Variants in NBPF19 observed in about 807,000 individuals in gnomAD.
The protein encoded by NBPF19 is NBPF family member NBPF19.
Under a neutral mutation model 45.9 loss-of-function variants are expected in NBPF19, and 30 were observed. The ratio of observed to expected loss-of-function variants is 0.65; its 90% CI spans 0.49 to 0.89. The LOEUF (loss-of-function observed/expected upper bound fraction) is 0.89. NBPF19 is among the 40% of genes least tolerant of loss of function. The pLI, the probability that NBPF19 is intolerant of heterozygous loss-of-function variation, is 0.00. For synonymous variants in NBPF19, 183 were observed against 181.2 expected, an observed-to-expected ratio of 1.01 and a Z score of -0.08; for missense variants, 495 against 471.8, an observed-to-expected ratio of 1.05 and a Z score of -0.46.
At position 149,487,261 on chromosome 1, in the gene NBPF19, T is replaced by C. The variant is rs2085588116; in HGVS notation, c.989-71T>C. On this transcript the variant is annotated intron_variant, in intron 8 of 93. Coordinates refer to ENST00000651566, the MANE Select transcript of NBPF19 (RefSeq NM_001351365.2). ...CAAGACTGATGTCCCTGTGTTAGGATTGGACAGAGGAATGTTTCTGTGTGC... is the reference window on the plus strand; with the variant it reads ...CAAGACTGATGTCCCTGTGTTAGGACTGGACAGAGGAATGTTTCTGTGTGC... 2.2e-5 allele frequency: 25 copies of C among 1,122,068 alleles called. No individual in the cohort carries two copies. In the Middle Eastern group the frequency reaches 7.4e-4, roughly 33 times the overall value. The allele number at this position is 1,122,068 out of a possible 1,614,324, so 69.5% of individuals were successfully genotyped here.
In NBPF19 at chr1:149,487,668, A is replaced by C. The variant is rs1335806123; in HGVS notation, c.1040+285A>C. ...CACATTTTATGCAAAATTATTGAGGACATGCTTTTCATGATCACTGTTCAC... is the reference window on the plus strand; with the variant it reads ...CACATTTTATGCAAAATTATTGAGGCCATGCTTTTCATGATCACTGTTCAC... On this transcript the variant is annotated intron_variant, in intron 9 of 93. Transcript: ENST00000651566. Among the ~76,000 whole-genome samples, 479 of 150,232 alleles carry C rather than the reference A, an allele frequency of 3.2e-3. 12 individuals are homozygous for C. Among genetic ancestry groups the C allele is most frequent in the Non-Finnish European group, 5.0e-3 (334 of 67,238 alleles).
At position 149,475,328 on chromosome 1, in the gene NBPF19, TG is replaced by T. The variant is rs1317287725; in HGVS notation, c.-499del. Among the ~76,000 whole-genome samples the T allele has an allele frequency of 2.0e-5, 3 of 149,558 alleles. No individual in the cohort carries two copies. The highest frequency in any genetic ancestry group is 4.3e-4 in the South Asian group (2 of 4,698). On this transcript the variant is annotated 5_prime_UTR_variant, in exon 1 of 94. Transcript: ENST00000651566. ...AAGCTCTGTTTTAACTGAGAGCAGG[TG>T]GGGTGACTTCATGACTACCATTAAG...
intron 5 of NBPF19, among the ~76,000 whole-genome samples, 189 bp downstream of exon 5, chr1:149,480,403 G>A (rs1408001360): frequency 6.7e-6 from 1 of 148,434 alleles, no homozygotes; most frequent in Non-Finnish European, 1.5e-5. Flanking sequence ...TGAGTGTCAT[G>A]TCTGCACCTT....
chr1:149,528,989 C>G (rs1390230310), intron 61 of NBPF19, among the ~76,000 whole-genome samples, 185 bp from the exon 62 acceptor site: 7 of 129,808 alleles, frequency 5.4e-5, no homozygotes, highest in Non-Finnish European at 1.1e-4. Context: ...ATCTGTCTTT[C>G]TCTTTCATTC....
Position 149,554,842 on chromosome 1 carries a change from A to C in NBPF19, c.*104A>C. The C allele has an allele frequency of 1.3e-6, 2 of 1,575,266 alleles. No homozygotes were observed. Among genetic ancestry groups the C allele is most frequent in the Non-Finnish European group, 1.7e-6 (2 of 1,154,024 alleles). ...TTCCATTTGGAAGCCCAGACATAGG[A>C]TGGGTCAGTGGGCATGGCTCTTTTC... On this transcript the variant is annotated 3_prime_UTR_variant, in exon 94 of 94. Coordinates refer to ENST00000651566, the MANE Select transcript of NBPF19 (RefSeq NM_001351365.2).
At chr1:149,488,465 T>C (rs1184845832) in intron 10 of NBPF19, among the ~76,000 whole-genome samples, 2 of 130,432 alleles carry the variant, frequency 1.5e-5, no homozygotes, top group African/African-American at 5.8e-5. Flanking sequence ...TTCACACAAC[T>C]CTGATTTTGT....
chr1:149,487,301 T>C (rs2085592243), intron 8 of NBPF19, 31 bp from the exon 9 acceptor site: 2 of 1,527,068 alleles, frequency 1.3e-6, no homozygotes, highest in African/African-American at 1.4e-5. Context: ...AAGAACTTAA[T>C]GTAAGAGGGC....
intron 4 of NBPF19, 67 bp from the exon 5 acceptor site, chr1:149,480,075 A>C: frequency 3.1e-6 from 2 of 649,876 alleles, no homozygotes; most frequent in Non-Finnish European, 5.6e-6. Context: ...TCTGTTGCAC[A>C]TTGGGCTGAC....
At chr1:149,488,612 G>T (rs1367691579) in intron 10 of NBPF19, among the ~76,000 whole-genome samples, 5 of 56,210 alleles carry the variant, frequency 8.9e-5, no homozygotes, top group Admixed American at 2.2e-4. Context: ...CCATTTGGGG[G>T]TATTTGCTTT....
intron 9 of NBPF19, among the ~76,000 whole-genome samples, chr1:149,487,696 T>C (rs2085655491): frequency 6.6e-6 from 1 of 150,440 alleles, no homozygotes; most frequent in East Asian, 2.0e-4. Context: ...CTGTTCACTG[T>C]GTGTCCTGAG....
In NBPF19 at chr1:149,478,059, C is replaced by A; in HGVS notation, c.278+12C>A. The A allele has an allele frequency of 6.4e-7, 1 of 1,566,800 alleles. No homozygotes were observed. Reference sequence around the variant, plus strand: ...GCTGAGGAGCTCAGGTGAGGGGACCCCGTGGGGGGAGGGCAGGCGGGTAGG... The same window carrying A: ...GCTGAGGAGCTCAGGTGAGGGGACCACGTGGGGGGAGGGCAGGCGGGTAGG... On this transcript the variant is annotated intron_variant, in intron 3 of 93. Coordinates refer to ENST00000651566, the MANE Select transcript of NBPF19 (RefSeq NM_001351365.2).
chr1:149,556,244 C>T lies in NBPF19; in HGVS notation c.*1506C>T, dbSNP rs2087245972. On this transcript the variant is annotated 3_prime_UTR_variant, in exon 94 of 94. Coordinates refer to ENST00000651566, the MANE Select transcript of NBPF19 (RefSeq NM_001351365.2). ...TAATTTTAATCTATACAATTAAAAC[C>T]TTTTGCCTATCACTCTGGACTTTTG... is the stretch of plus-strand genomic sequence containing the variant. The T allele has an allele frequency of 6.8e-6, 1 of 146,962 alleles. No homozygotes were observed. Among genetic ancestry groups the T allele is most frequent in the Admixed American group, 6.8e-5 (1 of 14,618 alleles). The allele number at this position is 146,962 out of a possible 1,614,324, so 9.1% of individuals were successfully genotyped here. A position where few individuals can be genotyped will look rare whatever the true frequency, so the allele number is the denominator to read the frequency against.
intron 93 of NBPF19, 139 bp from the exon 94 acceptor site, chr1:149,554,356 A>G (rs2087164622): frequency 1.3e-6 from 2 of 1,526,070 alleles, no homozygotes; most frequent in East Asian, 2.3e-5. Context: ...TAAAGGCAAT[A>G]AATTTTTTTT....
In NBPF19 at chr1:149,555,663, A is replaced by G. The variant is rs1386769827; in HGVS notation, c.*925A>G. 6.6e-6 allele frequency: 1 copy of G among 150,516 alleles called. No individual in the cohort carries two copies. Among genetic ancestry groups the G allele is most frequent in the African/African-American group, 2.4e-5 (1 of 41,040 alleles). 9.3% of individuals were successfully genotyped at this position (150,516 alleles called of 1,614,324 possible). Reference sequence around the variant, plus strand: ...AAAGATAATGTAGCTGCATTTCTTTAGTTATTTTGAACCCCAAATATTTCC... The same window carrying G: ...AAAGATAATGTAGCTGCATTTCTTTGGTTATTTTGAACCCCAAATATTTCC... On this transcript the variant is annotated 3_prime_UTR_variant, in exon 94 of 94. Transcript: ENST00000651566.
Position 149,556,042 on chromosome 1 carries a change from A to G in NBPF19, c.*1304A>G, listed in dbSNP as rs1271301118. On this transcript the variant is annotated 3_prime_UTR_variant, in exon 94 of 94. Coordinates refer to ENST00000651566, the MANE Select transcript of NBPF19 (RefSeq NM_001351365.2). ...ATAAATATCCTGTATTCTAATGATCATCCTCTAAACATTTTATCATTTATT... is the reference window on the plus strand; with the variant it reads ...ATAAATATCCTGTATTCTAATGATCGTCCTCTAAACATTTTATCATTTATT... 2.0e-4 allele frequency: 29 copies of G among 145,596 alleles called. No homozygotes were observed. Among genetic ancestry groups the G allele is most frequent in the African/African-American group, 7.1e-4 (28 of 39,498 alleles). 9.0% of individuals were successfully genotyped at this position (145,596 alleles called of 1,614,324 possible). A position where few individuals can be genotyped will look rare whatever the true frequency, so the allele number is the denominator to read the frequency against.
rs1310518578 is a variant in NBPF19, at chr1:149,494,120, C to G, written c.1998-198C>G. On this transcript the variant is annotated intron_variant, in intron 17 of 93. Coordinates refer to ENST00000651566, the MANE Select transcript of NBPF19 (RefSeq NM_001351365.2). ...TCTCTCTCTCTCTCTCTCTCTCTCC[C>G]TCTCCCTGTCTTTCTCTTTCATTCT... is the stretch of plus-strand genomic sequence containing the variant. Among the ~76,000 whole-genome samples, 7 of 135,656 alleles carry G rather than the reference C, an allele frequency of 5.2e-5. 2 individuals carry two copies. The highest frequency in any genetic ancestry group is 2.3e-4 in the African/African-American group (7 of 31,080). 89.0% of individuals were successfully genotyped at this position (135,656 alleles called of 152,430 possible).
Position 149,554,572 on chromosome 1 carries a change from C to T in NBPF19, c.11366C>T (p.Ser3789Leu). 2 of 1,608,246 alleles carry T rather than the reference C, an allele frequency of 1.2e-6. No individual in the cohort carries two copies. The highest frequency in any genetic ancestry group is 1.1e-5 in the South Asian group (1 of 90,878). ...DSLDGCYSTP[S>L]MYFELPDSFQ... ...CTGGATGGATGTTATTCGACTCCGT[C>T]AATGTACTTTGAACTACCTGACTCA... is the stretch of plus-strand genomic sequence containing the variant. The change falls in exon 94 of 94, where the codon TCA becomes TTA. Residue 3789 changes from serine to leucine, a missense_variant. By Grantham distance (145) the Ser-to-Leu change is moderately radical. Around this residue, in one of 8 missense-constraint regions of NBPF19, gnomAD observed 248 missense variants for 95.4 expected, o/e 2.60. Transcript: ENST00000651566.
chr1:149,487,105 A>G (rs1420969580), intron 8 of NBPF19, among the ~76,000 whole-genome samples: 3 of 150,816 alleles, frequency 2.0e-5, no homozygotes, highest in African/African-American at 7.3e-5. Flanking sequence ...GACAGAGCAC[A>G]TAGGGAAGAT....
chr1:149,479,480 T>C (rs1368722122), intron 4 of NBPF19, among the ~76,000 whole-genome samples: 1 of 150,472 alleles, frequency 6.6e-6, no homozygotes, highest in Non-Finnish European at 1.5e-5. Context: ...ATTTATCTTT[T>C]CAGAGTTTCT....
Sources: gnomAD v4.1 joint callset for allele counts (sites outside exome capture counted in the v4.1 genomes callset) on GRCh38, gnomAD v4.1.1 for gene constraint, gnomAD v4.1.1 regional missense constraint, MANE v1.5 for transcripts, NCBI Gene and HGNC (gene_info 2026-07-23, HGNC 2026-07-21) for gene names.